LRMDA: variants seen among roughly 807,000 people sequenced by gnomAD.
The protein encoded by LRMDA is leucine-rich melanocyte differentiation-associated protein.
A neutral mutation model predicts 29.8 loss-of-function variants in LRMDA; 18 were observed. The observed-to-expected ratio is 0.60, with a 90% confidence interval of 0.42 to 0.90. The LOEUF is 0.90. Among genes scored for constraint, LRMDA ranks in the 40% least tolerant of loss-of-function variants. The pLI is 0.00. For synonymous variants in LRMDA, 125 were observed against 109.4 expected, an observed-to-expected ratio of 1.14 and a Z score of -0.89; for missense variants, 273 against 273.9, an observed-to-expected ratio of 1.00 and a Z score of 0.02.
chr10:76,403,341 T>C (rs546993791), intron 6 of LRMDA: 7 of 151,948 alleles, frequency 4.6e-5, no homozygotes, highest in Admixed American at 3.9e-4. Flanking sequence ...TCACTGATCT[T>C]GGAAGTTAGA....
intron 5 of LRMDA, among the ~76,000 whole-genome samples, chr10:76,096,286 T>A (rs1169208868): frequency 6.6e-6 from 1 of 152,180 alleles, no homozygotes. Context: ...TTTGAGTTAT[T>A]ACTTGTATAT....
At chr10:75,809,090 A>G (rs551871973) in intron 2 of LRMDA, among the ~76,000 whole-genome samples, 1 of 152,212 alleles carries the variant, frequency 6.6e-6, no homozygotes, top group South Asian at 2.1e-4. Flanking sequence ...TCTGGGGGTC[A>G]GCTTGTTCCA....
intron 2 of LRMDA, among the ~76,000 whole-genome samples, chr10:75,494,877 T>A (rs1056203333): frequency 6.6e-6 from 1 of 152,212 alleles, no homozygotes; most frequent in African/African-American, 2.4e-5. Flanking sequence ...AGCTTTCTAC[T>A]CTGCTGTCTC....
At chr10:75,842,437 C>T (rs924520933) in intron 2 of LRMDA, among the ~76,000 whole-genome samples, 7 of 152,134 alleles carry the variant, frequency 4.6e-5, no homozygotes, top group Non-Finnish European at 1.0e-4. Context: ...TGGTCCTTTA[C>T]AGAAAGTGTT....
At chr10:75,666,618 A>G (rs10824331) in intron 2 of LRMDA, among the ~76,000 whole-genome samples, 20,661 of 152,122 alleles carry the variant, frequency 0.14, 3,330 homozygotes, top group African/African-American at 0.37. Flanking sequence ...TTATATTTTA[A>G]TTTTGAATTT....
chr10:76,365,326 T>C (rs1841380025), intron 6 of LRMDA, among the ~76,000 whole-genome samples: 1 of 152,016 alleles, frequency 6.6e-6, no homozygotes, highest in African/African-American at 2.4e-5. Flanking sequence ...ATCTCCACAC[T>C]GTTTTTCATA....
chr10:76,131,954 A>G (rs1307347662), intron 5 of LRMDA, among the ~76,000 whole-genome samples: 1 of 152,212 alleles, frequency 6.6e-6, no homozygotes, highest in Non-Finnish European at 1.5e-5. Flanking sequence ...ATGGCTGATG[A>G]TGGTTAATGT....
At chr10:75,455,423 C>T (rs148147837) in intron 2 of LRMDA, among the ~76,000 whole-genome samples, 186 of 152,304 alleles carry the variant, frequency 1.2e-3, no homozygotes, top group African/African-American at 4.3e-3. Flanking sequence ...CTCACATGCT[C>T]AATGTGGAGA....
chr10:76,328,576 G>C (rs1238481173), intron 6 of LRMDA, among the ~76,000 whole-genome samples: 1 of 152,178 alleles, frequency 6.6e-6, no homozygotes, highest in South Asian at 2.1e-4. Context: ...TATGAAGCAA[G>C]TGTAGGTAGG....
chr10:75,913,535 A>G (rs898857683), intron 2 of LRMDA, among the ~76,000 whole-genome samples: 10 of 152,110 alleles, frequency 6.6e-5, no homozygotes, highest in African/African-American at 2.4e-4. Context: ...TGTAGTCTCT[A>G]AAGTCTCATA....
At chr10:76,143,162 G>A (rs771856902) in intron 5 of LRMDA, among the ~76,000 whole-genome samples, 2 of 152,180 alleles carry the variant, frequency 1.3e-5, no homozygotes, top group African/African-American at 4.8e-5. Context: ...ACGTGTGCAT[G>A]TGTCTTTATA....
At chr10:75,467,326 C>T (rs1011156878) in intron 2 of LRMDA, among the ~76,000 whole-genome samples, 22 of 152,172 alleles carry the variant, frequency 1.4e-4, no homozygotes, top group Admixed American at 1.0e-3. Flanking sequence ...GTGACTTCCC[C>T]ACCTGCCATT....
chr10:75,571,297 A>G (rs1461694570), intron 2 of LRMDA, among the ~76,000 whole-genome samples: 2 of 152,220 alleles, frequency 1.3e-5, no homozygotes, highest in Non-Finnish European at 2.9e-5. Context: ...TTAGGTTAAC[A>G]TAAGGTTCTT....
chr10:76,312,693 T>C (rs1048442057), intron 5 of LRMDA, among the ~76,000 whole-genome samples: 4 of 151,972 alleles, frequency 2.6e-5, no homozygotes, highest in Non-Finnish European at 5.9e-5. Context: ...ATCACAATAA[T>C]GCAGTGAATT....
intron 5 of LRMDA, among the ~76,000 whole-genome samples, chr10:76,106,635 G>A (rs1303976360): frequency 3.3e-5 from 5 of 152,160 alleles, no homozygotes; most frequent in Non-Finnish European, 7.4e-5. Context: ...CAGTCCTGGT[G>A]CGTGCTGGGC....
intron 2 of LRMDA, among the ~76,000 whole-genome samples, chr10:75,693,262 A>T (rs1198630528): frequency 6.6e-6 from 1 of 152,148 alleles, no homozygotes; most frequent in African/African-American, 2.4e-5. Flanking sequence ...CAAATAAATT[A>T]TCTCCTATTT....
intron 2 of LRMDA, among the ~76,000 whole-genome samples, chr10:75,772,871 G>GA (rs1554824993): frequency 2.0e-5 from 1 of 50,822 alleles, no homozygotes; most frequent in African/African-American, 4.5e-5. Context: ...GGGTGGGATG[G>GA]GGGGGGGCAG....
chr10:76,265,683 A>G (rs1057133291), intron 5 of LRMDA, among the ~76,000 whole-genome samples: 2 of 152,166 alleles, frequency 1.3e-5, no homozygotes, highest in African/African-American at 4.8e-5. Flanking sequence ...TTCCAAGGTG[A>G]CTGTACATTG....
intron 2 of LRMDA, among the ~76,000 whole-genome samples, chr10:75,751,602 C>A (rs1842970173): frequency 6.6e-6 from 1 of 152,232 alleles, no homozygotes; most frequent in African/African-American, 2.4e-5. Context: ...CTTAGCATGG[C>A]CCTTGCCCAT....
Sources: gnomAD v4.1 joint callset for allele counts (sites outside exome capture counted in the v4.1 genomes callset) on GRCh38, gnomAD v4.1.1 for gene constraint, MANE v1.5 for transcripts, NCBI Gene and HGNC (gene_info 2026-07-23, HGNC 2026-07-21) for gene names.